RNF150: variants seen among roughly 807,000 people sequenced by gnomAD.
RNF150 encodes ring finger protein 150.
A neutral mutation model predicts 39.3 loss-of-function variants in RNF150; 24 were observed. The ratio of observed to expected loss-of-function variants is 0.61; its 90% CI spans 0.44 to 0.86. The LOEUF (loss-of-function observed/expected upper bound fraction) is 0.86. RNF150 is among the 40% of genes least tolerant of loss of function. The probability of loss-of-function intolerance (pLI) is 0.00; values close to 1 mark genes in which losing one functional copy is unlikely to be tolerated. For missense variants in RNF150, 502 were observed against 587.8 expected, an observed-to-expected ratio of 0.85 and a Z score of 1.51; for synonymous variants, 255 against 227.3, an observed-to-expected ratio of 1.12 and a Z score of -1.10.
At chr4:141,078,680 C>T (rs1738008338) in intron 1 of RNF150, among the ~76,000 whole-genome samples, 1 of 149,836 alleles carries the variant, frequency 6.7e-6, no homozygotes, top group Non-Finnish European at 1.5e-5. Context: ...GTCCCAGCTA[C>T]TCAGGAGGCT....
chr4:140,909,663 A>AAATTT (rs1204976333), intron 6 of RNF150, among the ~76,000 whole-genome samples: 1 of 152,158 alleles, frequency 6.6e-6, no homozygotes, highest in African/African-American at 2.4e-5. Flanking sequence ...AGCCATAGAA[A>AAATTT]AATTTAAATT....
intron 1 of RNF150, among the ~76,000 whole-genome samples, chr4:141,209,362 A>G (rs1267786772): frequency 6.6e-6 from 1 of 152,204 alleles, no homozygotes; most frequent in Non-Finnish European, 1.5e-5. Flanking sequence ...TTCACTTTTC[A>G]CTACTATATA....
rs186879165 is a variant in RNF150 at position 141,147,588 on chromosome 4, A to G, written c.-6+65206T>C. Among the ~76,000 whole-genome samples the G allele has an allele frequency of 3.3e-3, 501 of 152,350 alleles. 1 individual carries two copies. The highest frequency in any genetic ancestry group is 0.017 in the Middle Eastern group (5 of 294). On this transcript the variant is annotated intron_variant, in intron 1 of 7. Coordinates refer to the RNF150 transcript ENST00000420921. ...AGAGGGAATGGATTTTGGTGAAAAC[A>G]TAGCAGTCTTGGCCAAAATAACTGG...
intron 1 of RNF150, among the ~76,000 whole-genome samples, chr4:141,071,687 A>G (rs556850954): frequency 6.6e-6 from 1 of 152,190 alleles, no homozygotes; most frequent in South Asian, 2.1e-4. Flanking sequence ...ACATATGTTA[A>G]GAGGCACTGG....
chr4:141,187,772 C>T (rs1728038532), intron 1 of RNF150, among the ~76,000 whole-genome samples: 1 of 152,192 alleles, frequency 6.6e-6, no homozygotes. Flanking sequence ...CTCCTGAATA[C>T]AGCACACTGA....
intron 1 of RNF150, among the ~76,000 whole-genome samples, chr4:141,161,239 CT>C (rs1324060990): frequency 6.6e-6 from 1 of 152,174 alleles, no homozygotes; most frequent in Non-Finnish European, 1.5e-5. Context: ...GCAAAAACCC[CT>C]GTTTTGACTG....
intron 5 of RNF150, among the ~76,000 whole-genome samples, chr4:140,917,535 T>A (rs1287742370): frequency 1.3e-5 from 2 of 152,150 alleles, no homozygotes; most frequent in Non-Finnish European, 2.9e-5. Context: ...CCCAGATTCA[T>A]AAAGCAAGTC....
At chr4:140,904,395 C>A (rs1023839738) in intron 6 of RNF150, among the ~76,000 whole-genome samples, 2 of 152,234 alleles carry the variant, frequency 1.3e-5, no homozygotes, top group African/African-American at 4.8e-5. Flanking sequence ...TCAAAGCAAT[C>A]ATCTTTCCAG....
At chr4:141,179,580 A>G (rs1727870937) in intron 1 of RNF150, among the ~76,000 whole-genome samples, 1 of 152,146 alleles carries the variant, frequency 6.6e-6, no homozygotes, top group Non-Finnish European at 1.5e-5. Context: ...TGTCACTCCC[A>G]CAACACAATT....
chr4:141,068,689 G>A (rs9761044), intron 1 of RNF150, among the ~76,000 whole-genome samples: 2,146 of 149,766 alleles, frequency 0.014, 60 homozygotes, highest in African/African-American at 0.05. Flanking sequence ...TCCTACCCAT[G>A]AGCATGGAAT....
chr4:141,014,475 C>T (rs949102083), intron 1 of RNF150, among the ~76,000 whole-genome samples: 2 of 152,198 alleles, frequency 1.3e-5, no homozygotes, highest in Non-Finnish European at 2.9e-5. Flanking sequence ...TATAAAAGTT[C>T]TTTTTCTCCA....
chr4:140,987,329 A>G (rs1362708484), intron 1 of RNF150, among the ~76,000 whole-genome samples: 2 of 152,134 alleles, frequency 1.3e-5, no homozygotes, highest in African/African-American at 4.8e-5. Context: ...AGCAAAAACA[A>G]CAAAGCTGGA....
intron 1 of RNF150, among the ~76,000 whole-genome samples, chr4:140,992,241 C>A (rs890906340): frequency 1.3e-5 from 2 of 151,928 alleles, no homozygotes; most frequent in Non-Finnish European, 2.9e-5. Context: ...GTAGCTTATG[C>A]CTGTAATGCA....
At chr4:140,908,485 AT>A (rs1171929702) in intron 6 of RNF150, among the ~76,000 whole-genome samples, 5 of 152,140 alleles carry the variant, frequency 3.3e-5, no homozygotes, top group African/African-American at 1.2e-4. Context: ...GACTGTAGGT[AT>A]TGTCATATCA....
chr4:141,003,797 C>G (rs1026405360), intron 1 of RNF150, among the ~76,000 whole-genome samples: 2 of 151,984 alleles, frequency 1.3e-5, no homozygotes, highest in African/African-American at 4.8e-5. Context: ...CCATTTTTGC[C>G]CAGCACTCTA....
chr4:141,113,004 G>A (rs554661555), intron 1 of RNF150, among the ~76,000 whole-genome samples: 25 of 151,526 alleles, frequency 1.6e-4, no homozygotes, highest in East Asian at 9.7e-4. Context: ...CCTTTCTTCC[G>A]CTTGATCTAT....
rs115297947 is a variant in RNF150, at chr4:140,914,563, G to C, written c.988-3209C>G. On this transcript the variant is annotated intron_variant, in intron 5 of 6. Transcript: ENST00000515673. ...CCAACCTATTCCTATGAGGATAATA[G>C]TGATAGGAGGTGGTTGCTGGCATAT... 6.7e-3 allele frequency among the ~76,000 whole-genome samples: 1,014 copies of C among 152,310 alleles called. 11 individuals are homozygous for C. The highest frequency in any genetic ancestry group is 0.018 in the African/African-American group (749 of 41,572).
intron 1 of RNF150, among the ~76,000 whole-genome samples, chr4:141,025,939 C>T (rs908172292): frequency 2.0e-5 from 3 of 152,054 alleles, no homozygotes; most frequent in Admixed American, 2.0e-4. Flanking sequence ...GATTAGGTCA[C>T]AAGAGTGGAG....
intron 1 of RNF150, among the ~76,000 whole-genome samples, chr4:141,074,797 G>A (rs918777824): frequency 2.0e-5 from 3 of 152,172 alleles, no homozygotes; most frequent in African/African-American, 4.8e-5. Context: ...AAGGGCAAGC[G>A]ACGGATCTGA....
Sources: allele counts gnomAD v4.1 joint callset (sites outside exome capture counted in the v4.1 genomes callset), GRCh38; gene constraint gnomAD v4.1.1; transcripts MANE v1.5; gene names NCBI Gene and HGNC (gene_info 2026-07-23, HGNC 2026-07-21).